The following PTPRD variants were observed in gnomAD, a reference collection of about 807,000 sequenced individuals.
The protein encoded by PTPRD is receptor-type tyrosine-protein phosphatase delta.
Under a neutral mutation model 214.5 loss-of-function variants are expected in PTPRD, and 34 were observed. The observed-to-expected ratio is 0.16, with a 90% confidence interval of 0.12 to 0.21. PTPRD has a LOEUF of 0.21. PTPRD is among the 10% of genes least tolerant of loss of function. The pLI is 1.00. For missense variants in PTPRD, 2,545 were observed against 2,398.7 expected (o/e 1.06, Z -1.27); for synonymous variants, 1,128 against 845.7 (o/e 1.33, Z -5.79).
chr9:10,440,019 TA>T (rs1284015959), intron 2 of PTPRD, among the ~76,000 whole-genome samples: 5 of 151,160 alleles, frequency 3.3e-5, no homozygotes, highest in African/African-American at 9.7e-5. Flanking sequence ...ATAACAATAA[TA>T]AAAATATATA....
At chr9:10,139,096 CA>C (rs1020626833) in intron 3 of PTPRD, among the ~76,000 whole-genome samples, 21 of 151,980 alleles carry the variant, frequency 1.4e-4, no homozygotes, top group African/African-American at 5.1e-4. Context: ...AAGAAGAAGT[CA>C]AACTATCTTT....
chr9:9,765,923 A>G (rs1423926838), intron 6 of PTPRD, among the ~76,000 whole-genome samples: 1 of 152,082 alleles, frequency 6.6e-6, no homozygotes, highest in Non-Finnish European at 1.5e-5. Context: ...CAGCCTCCCA[A>G]AGTGCTGGGA....
chr9:9,923,144 GTGTGTA>G (rs1321560585), intron 5 of PTPRD, among the ~76,000 whole-genome samples: 4 of 151,270 alleles, frequency 2.6e-5, no homozygotes, highest in Admixed American at 1.3e-4. Flanking sequence ...GTGTGTGTGT[GTGTGTA>G]TGTACAGAAA....
chr9:9,716,773 G>C (rs970519314), intron 7 of PTPRD, among the ~76,000 whole-genome samples: 3 of 151,786 alleles, frequency 2.0e-5, no homozygotes, highest in African/African-American at 7.3e-5. Context: ...TGAGTAGGTT[G>C]CAAAAATTTT....
chr9:8,412,650 T>A (rs140012932), intron 35 of PTPRD, among the ~76,000 whole-genome samples: 1 of 152,180 alleles, frequency 6.6e-6, no homozygotes, highest in African/African-American at 2.4e-5. Flanking sequence ...TATAAGAACA[T>A]CCCTGATAGA....
At chr9:10,073,752 GC>G (rs770657117) in intron 3 of PTPRD, among the ~76,000 whole-genome samples, 1 of 151,950 alleles carries the variant, frequency 6.6e-6, no homozygotes, top group African/African-American at 2.4e-5. Flanking sequence ...GGAACTAAAA[GC>G]CTCTTATTGA....
intron 12 of PTPRD, among the ~76,000 whole-genome samples, chr9:8,683,400 A>G (rs898616063): frequency 6.6e-6 from 1 of 151,904 alleles, no homozygotes; most frequent in Non-Finnish European, 1.5e-5. Flanking sequence ...AAAAAAAAAA[A>G]AGTGTATACA....
At chr9:8,496,080 C>A (rs2097259681) in intron 26 of PTPRD, among the ~76,000 whole-genome samples, 1 of 151,986 alleles carries the variant, frequency 6.6e-6, no homozygotes, top group Non-Finnish European at 1.5e-5. Flanking sequence ...GGCTCACTGT[C>A]ACGTGACTAT....
At chr9:10,456,404 G>A (rs2098917663) in intron 2 of PTPRD, among the ~76,000 whole-genome samples, 1 of 151,892 alleles carries the variant, frequency 6.6e-6, no homozygotes. Flanking sequence ...AGCACTATTA[G>A]AGGTGGAAAC....
At chr9:9,226,325 T>C (rs1569564737) in intron 9 of PTPRD, among the ~76,000 whole-genome samples, 1 of 151,862 alleles carries the variant, frequency 6.6e-6, no homozygotes, top group Non-Finnish European at 1.5e-5. Context: ...AAATCTAATA[T>C]CAGGGGATTA....
At chr9:10,343,565 A>C (rs1597578132) in intron 2 of PTPRD, among the ~76,000 whole-genome samples, 1 of 152,032 alleles carries the variant, frequency 6.6e-6, no homozygotes, top group Non-Finnish European at 1.5e-5. Flanking sequence ...TGTCTTCCAC[A>C]TGATTGAACT....
At chr9:9,055,075 T>C (rs1028947957) in intron 10 of PTPRD, among the ~76,000 whole-genome samples, 2 of 152,158 alleles carry the variant, frequency 1.3e-5, no homozygotes, top group Admixed American at 1.3e-4. Flanking sequence ...GGTGCAGCTA[T>C]ATGGAAGAGT....
At position 9,236,168 on chromosome 9, in the gene PTPRD, G is replaced by A. The variant is rs769767215; in HGVS notation, c.-202-52805C>T. Among the ~76,000 whole-genome samples the A allele has an allele frequency of 1.1e-3, 171 of 152,170 alleles. 2 individuals carry two copies. The highest frequency in any genetic ancestry group is 3.4e-3 in the Middle Eastern group (1 of 294). ...CCCAGGAGGCTGAGGCAGGAGAATT[G>A]CTTGAATCCAGGAGGTGGAGGCTGC... On this transcript the variant is annotated intron_variant, in intron 9 of 45. Coordinates refer to ENST00000381196, the MANE Select transcript of PTPRD (RefSeq NM_002839.4).
At chr9:10,375,358 C>T (rs1037669142) in intron 2 of PTPRD, among the ~76,000 whole-genome samples, 75 of 152,060 alleles carry the variant, frequency 4.9e-4, no homozygotes, top group African/African-American at 1.6e-3. Context: ...TTACTGTCTA[C>T]GTTATTATGT....
chr9:10,338,488 G>A (rs532791441), intron 3 of PTPRD, among the ~76,000 whole-genome samples: 139 of 151,670 alleles, frequency 9.2e-4, no homozygotes, highest in African/African-American at 3.1e-3. Context: ...ACATACTGTG[G>A]GTATTCAGTG....
At chr9:9,873,835 G>A (rs577069041) in intron 5 of PTPRD, among the ~76,000 whole-genome samples, 1 of 152,204 alleles carries the variant, frequency 6.6e-6, no homozygotes, top group South Asian at 2.1e-4. Context: ...TTGGGAATTA[G>A]TGTTATGAAA....
At chr9:8,646,784 C>G (rs775156022) in intron 12 of PTPRD, among the ~76,000 whole-genome samples, 3 of 152,152 alleles carry the variant, frequency 2.0e-5, no homozygotes, top group Admixed American at 6.5e-5. Context: ...ATTATACATG[C>G]CCCTGGTCAT....
intron 9 of PTPRD, among the ~76,000 whole-genome samples, chr9:9,249,541 C>A (rs1276159616): frequency 1.3e-5 from 2 of 151,982 alleles, no homozygotes; most frequent in Non-Finnish European, 2.9e-5. Flanking sequence ...TATTTGGATT[C>A]TCTCTCCATT....
At chr9:9,896,144 A>G (rs773936701) in intron 5 of PTPRD, among the ~76,000 whole-genome samples, 2 of 152,042 alleles carry the variant, frequency 1.3e-5, no homozygotes, top group Non-Finnish European at 2.9e-5. Flanking sequence ...AGTCTTCTCT[A>G]AACACACACA....
Sources: allele counts gnomAD v4.1 joint callset (sites outside exome capture counted in the v4.1 genomes callset), GRCh38; gene constraint gnomAD v4.1.1; transcripts MANE v1.5; gene names NCBI Gene and HGNC (gene_info 2026-07-23, HGNC 2026-07-21).